The following FSTL4 variants were observed in gnomAD, a reference collection of about 807,000 sequenced individuals.
FSTL4 encodes the protein follistatin like 4.
Under a neutral mutation model 78.2 loss-of-function variants are expected in FSTL4, and 28 were observed. The observed-to-expected ratio is 0.36, with a 90% CI of 0.27 to 0.49. The LOEUF is 0.49. Among genes scored for constraint, FSTL4 ranks in the 20% least tolerant of loss-of-function variants. FSTL4 has a pLI of 0.98. For synonymous variants in FSTL4, 422 were observed against 440.5 expected (o/e 0.96, Z 0.53); for missense variants, 922 against 1,084.9 (o/e 0.85, Z 2.11).
At chr5:133,280,388 G>C (rs984311757) in intron 6 of FSTL4, among the ~76,000 whole-genome samples, 1 of 152,136 alleles carries the variant, frequency 6.6e-6, no homozygotes, top group Non-Finnish European at 1.5e-5. Context: ...TTAGCACAGA[G>C]CTCGCCACCT....
At chr5:133,591,157 G>A (rs1003043476) in intron 2 of FSTL4, among the ~76,000 whole-genome samples, 2 of 152,192 alleles carry the variant, frequency 1.3e-5, no homozygotes, top group South Asian at 2.1e-4. Flanking sequence ...TGGAGGCCAA[G>A]CCTGTTTTAC....
intron 3 of FSTL4, among the ~76,000 whole-genome samples, chr5:133,442,834 T>C (rs1039170880): frequency 2.0e-5 from 3 of 152,224 alleles, no homozygotes; most frequent in African/African-American, 4.8e-5. Context: ...ACCATTAGCA[T>C]CTCTAGACTT....
At chr5:133,427,523 A>G in intron 3 of FSTL4, 3 of 460,624 alleles carry the variant, frequency 6.5e-6, no homozygotes, top group South Asian at 3.3e-5. Flanking sequence ...GGAGTTCTAC[A>G]CAACACAGGC....
At chr5:133,837,788 T>C in the FSTL4 span, among the ~76,000 whole-genome samples, 1 of 152,172 alleles carries the variant, frequency 6.6e-6, no homozygotes, top group Non-Finnish European at 1.5e-5. Flanking sequence ...CACTTTCTGC[T>C]CAGCCTCTCA....
At chr5:133,662,455 C>T in the FSTL4 span, among the ~76,000 whole-genome samples, 5 of 152,104 alleles carry the variant, frequency 3.3e-5, no homozygotes, top group African/African-American at 4.8e-5. Context: ...ATCAGACAAC[C>T]CTAGCATACA....
chr5:133,840,072 T>TTTTG, the FSTL4 span, among the ~76,000 whole-genome samples: 3 of 152,194 alleles, frequency 2.0e-5, no homozygotes, highest in East Asian at 5.8e-4. Flanking sequence ...GGACAAAACC[T>TTTTG]TCCTTCTACC....
At chr5:133,340,892 G>A (rs938493665) in intron 4 of FSTL4, among the ~76,000 whole-genome samples, 2 of 152,070 alleles carry the variant, frequency 1.3e-5, no homozygotes, top group African/African-American at 2.4e-5. Context: ...AAATGAGCAG[G>A]CTGCCCCCGA....
At chr5:133,229,637 A>C (rs866906521) in intron 8 of FSTL4, among the ~76,000 whole-genome samples, 1 of 152,236 alleles carries the variant, frequency 6.6e-6, no homozygotes, top group Non-Finnish European at 1.5e-5. Context: ...TCATTTTGCT[A>C]TATCAGATAT....
chr5:133,432,392 C>T (rs187891839), intron 3 of FSTL4, among the ~76,000 whole-genome samples: 4 of 152,266 alleles, frequency 2.6e-5, no homozygotes, highest in East Asian at 1.9e-4. Flanking sequence ...CAGACAATAA[C>T]CTGCAAAGGA....
At chr5:133,671,410 T>G in the FSTL4 span, among the ~76,000 whole-genome samples, 4 of 131,594 alleles carry the variant, frequency 3.0e-5, no homozygotes, top group Admixed American at 8.0e-5. Flanking sequence ...GATGCTGTTA[T>G]TATCCTTATT....
intron 3 of FSTL4, among the ~76,000 whole-genome samples, chr5:133,514,585 A>G (rs1471771400): frequency 6.6e-6 from 1 of 152,224 alleles, no homozygotes; most frequent in Non-Finnish European, 1.5e-5. Context: ...CAAATAATCA[A>G]GACAAAGACA....
At chr5:133,596,807 C>T (rs566281248) in intron 2 of FSTL4, among the ~76,000 whole-genome samples, 2 of 152,364 alleles carry the variant, frequency 1.3e-5, no homozygotes, top group African/African-American at 4.8e-5. Context: ...AGACCTCAGC[C>T]CCGCAGGCCA....
At chr5:133,492,584 C>A (rs1408352414) in intron 3 of FSTL4, among the ~76,000 whole-genome samples, 3 of 152,072 alleles carry the variant, frequency 2.0e-5, no homozygotes, top group Non-Finnish European at 4.4e-5. Context: ...AGAAATTGTT[C>A]CTTTGCAGAG....
At chr5:133,641,190 C>G in the FSTL4 span, among the ~76,000 whole-genome samples, 1 of 151,926 alleles carries the variant, frequency 6.6e-6, no homozygotes, top group Non-Finnish European at 1.5e-5. Flanking sequence ...ACAAATAGAT[C>G]ACAAAGACCC....
intron 3 of FSTL4, among the ~76,000 whole-genome samples, chr5:133,424,741 C>G (rs1263257147): frequency 1.3e-5 from 2 of 152,204 alleles, no homozygotes; most frequent in African/African-American, 4.8e-5. Context: ...TTCTAAATAC[C>G]ACGTAAAGGA....
the FSTL4 span, among the ~76,000 whole-genome samples, chr5:133,689,715 A>G: frequency 4.6e-5 from 7 of 152,184 alleles, no homozygotes; most frequent in African/African-American, 1.4e-4. Context: ...CCAAAATTCA[A>G]CCCACAAACA....
intron 3 of FSTL4, among the ~76,000 whole-genome samples, chr5:133,471,040 A>G (rs1757817106): frequency 6.6e-6 from 1 of 151,394 alleles, no homozygotes; most frequent in African/African-American, 2.4e-5. Flanking sequence ...TATTTGAGGA[A>G]GGATATATGT....
chr5:133,748,874 C>T, the FSTL4 span, among the ~76,000 whole-genome samples: 1 of 152,130 alleles, frequency 6.6e-6, no homozygotes, highest in Admixed American at 6.5e-5. Context: ...AGAATAGAAG[C>T]GAGAGAATTC....
intron 12 of FSTL4, among the ~76,000 whole-genome samples, chr5:133,218,335 A>C (rs1581535940): frequency 6.6e-6 from 1 of 152,024 alleles, no homozygotes; most frequent in African/African-American, 2.4e-5. Context: ...AGGTCACACT[A>C]CCTGCCACTT....
Sources: allele counts gnomAD v4.1 joint callset (sites outside exome capture counted in the v4.1 genomes callset), GRCh38; gene constraint gnomAD v4.1.1; transcripts MANE v1.5; gene names NCBI Gene and HGNC (gene_info 2026-07-23, HGNC 2026-07-21).